Variants in DNAH10 observed in about 807,000 individuals in gnomAD.
DNAH10 encodes dynein axonemal heavy chain 10, also known as axonemal beta dynein heavy chain 10.
In DNAH10, 348 loss-of-function variants were observed where a neutral mutation model predicts 506.6. The observed-to-expected ratio is 0.69, with a 90% CI of 0.63 to 0.75. DNAH10 has a LOEUF of 0.75. DNAH10 is among the 30% of genes least tolerant of loss of function. The pLI, the probability that DNAH10 is intolerant of heterozygous loss-of-function variation, is 0.00. For missense variants in DNAH10, 5,179 were observed against 5,787.1 expected (o/e 0.89, Z 3.41); for synonymous variants, 2,059 against 2,198.6 (o/e 0.94, Z 1.78).
At chr12:123,931,058 C>G (rs1421919548) in intron 73 of DNAH10, among the ~76,000 whole-genome samples, 1 of 151,966 alleles carries the variant, frequency 6.6e-6, no homozygotes, top group Non-Finnish European at 1.5e-5. Context: ...AAACAAAAAA[C>G]AAAAATATTA....
intron 32 of DNAH10, among the ~76,000 whole-genome samples, chr12:123,847,308 T>TATC: frequency 6.7e-6 from 1 of 149,042 alleles, no homozygotes; most frequent in East Asian, 1.9e-4. Flanking sequence ...ATCATCTATT[T>TATC]TATCTATCTA....
In DNAH10 at chr12:123,813,239, A is replaced by T; in HGVS notation, c.3220A>T (p.Ile1074Leu). ...QKGEEEEVVIINFYNDISLNP... is the reference protein window; with the variant it reads ...QKGEEEEVVILNFYNDISLNP... ...GGGGGAGGAAGAGGAAGTTGTTATA[A>T]TAAACTTTTACAATGATATCTCTCT... The change falls in exon 20 of 79, where the codon ATA becomes TTA. Residue 1074 changes from isoleucine (I) to leucine (L), a missense_variant. This residue lies in a region of DNAH10 where 4,844 missense variants were observed against 5,430.5 expected (regional missense o/e 0.89). Coordinates refer to ENST00000673944, the MANE Select transcript of DNAH10 (RefSeq NM_001372106.1). 1 of 1,614,180 alleles carries T rather than the reference A, an allele frequency of 6.2e-7. No homozygotes were observed. The highest frequency in any genetic ancestry group is 8.5e-7 in the Non-Finnish European group (1 of 1,180,024).
chr12:123,851,451 C>T (rs1459886134), intron 35 of DNAH10, among the ~76,000 whole-genome samples: 1 of 151,826 alleles, frequency 6.6e-6, no homozygotes, highest in Non-Finnish European at 1.5e-5. Flanking sequence ...TGCTGTGTCT[C>T]TCTTCTTCCT....
intron 59 of DNAH10, among the ~76,000 whole-genome samples, chr12:123,912,483 GT>G (rs1954265868): frequency 2.2e-5 from 2 of 89,604 alleles, no homozygotes; most frequent in Admixed American, 1.6e-4. Context: ...CTGGGGGGGG[GT>G]CTGTCCTGGG....
At chr12:123,877,676 T>G in intron 47 of DNAH10, 60 bp from the exon 48 acceptor site, 1 of 1,539,666 alleles carries the variant, frequency 6.5e-7, no homozygotes, top group Non-Finnish European at 8.7e-7. Context: ...ACATTTTGTT[T>G]ATTCACTCAT....
intron 19 of DNAH10, 83 bp downstream of exon 19, chr12:123,809,036 G>A (rs1042578180): frequency 4.7e-6 from 7 of 1,503,256 alleles, no homozygotes; most frequent in African/African-American, 2.8e-5. Flanking sequence ...CTATAGGCGT[G>A]AGCCACTGCC....
At chr12:123,794,748 AG>A (rs1958211982) in intron 12 of DNAH10, among the ~76,000 whole-genome samples, 1 of 151,704 alleles carries the variant, frequency 6.6e-6, no homozygotes, top group African/African-American at 2.4e-5. Flanking sequence ...TGGGAGGCAG[AG>A]GTGGGAGAAT....
At position 123,835,471 on chromosome 12, in the gene DNAH10, A is replaced by T; in HGVS notation, c.4845A>T (p.Arg1615Ser). The T allele has an allele frequency of 6.2e-7, 1 of 1,609,206 alleles. No individual in the cohort carries two copies. The highest frequency in any genetic ancestry group is 1.1e-5 in the South Asian group (1 of 89,938). The change falls in exon 28 of 79, where the codon AGA becomes AGT. Residue 1615 changes from arginine (R) to serine (S), a missense_variant. By Grantham distance (110) the Arg-to-Ser change is moderately radical (BLOSUM62 -1). Coordinates refer to ENST00000673944, the MANE Select transcript of DNAH10 (RefSeq NM_001372106.1). ...GTATTTTTATTGGTGGAGATATAAG[A>T]TCACAACTTCCGGAAGAGGCAAAAA... ...LESIFIGGDI[R>S]SQLPEEAKKF...
Position 123,929,001 on chromosome 12 carries a change from G to A in DNAH10, c.12307-274G>A. 5 of 544,246 alleles carry A rather than the reference G, an allele frequency of 9.2e-6. No homozygotes were observed. The South Asian group carries it at 1.3e-4, about 14-fold the overall frequency. 33.7% of individuals were successfully genotyped at this position (544,246 alleles called of 1,614,324 possible). Reference sequence around the variant, plus strand: ...CTGTCTCTCTCTCTCTCTCTGGGGAGGTGGAGGGAAGACTTTACTTTCATT... The same window carrying A: ...CTGTCTCTCTCTCTCTCTCTGGGGAAGTGGAGGGAAGACTTTACTTTCATT... On this transcript the variant is annotated intron_variant, in intron 70 of 78. Transcript: ENST00000673944.
In DNAH10 at chr12:123,930,467, G is replaced by C. The variant is rs1330131770; in HGVS notation, c.12678G>C (p.Glu4226Asp). The C allele has an allele frequency of 6.2e-7, 1 of 1,610,186 alleles. No individual in the cohort carries two copies. The highest frequency in any genetic ancestry group is 2.2e-5 in the East Asian group (1 of 44,716). ...GCATCCTGACCATCTACATGGATGA[G>C]TACCTGGGGGACTTCATTTTTGATA... ...DRRILTIYMDEYLGDFIFDTF... is the reference protein window; with the variant it reads ...DRRILTIYMDDYLGDFIFDTF... The change falls in exon 73 of 79, where the codon GAG becomes GAC. Residue 4226 changes from glutamate (E) to aspartate (D), a missense_variant. Physicochemically the swap from Glu to Asp is conservative, Grantham distance 45 (BLOSUM62 2). This residue lies in a region of DNAH10 where 4,844 missense variants were observed against 5,430.5 expected (regional missense o/e 0.89). Coordinates refer to ENST00000673944, the MANE Select transcript of DNAH10 (RefSeq NM_001372106.1).
Position 123,924,363 on chromosome 12 carries a change from A to G in DNAH10, c.11697A>G (p.Ser3899=). Residue 3899 remains serine, a synonymous_variant, in exon 67 of 79, where the codon TCA becomes TCG. Transcript: ENST00000673944. The part of the protein sequence containing the change: ...DQGWEDIILL[S]EMFSDNFGQL... Reference sequence around the variant, plus strand: ...GATGGGAAGATATCATTCTTTTATCAGAAATGTTTTCAGACAACTTTGGGC... The same window carrying G: ...GATGGGAAGATATCATTCTTTTATCGGAAATGTTTTCAGACAACTTTGGGC... 1.2e-6 allele frequency: 2 copies of G among 1,613,808 alleles called. No individual in the cohort carries two copies. Among genetic ancestry groups the G allele is most frequent in the Non-Finnish European group, 1.7e-6 (2 of 1,179,810 alleles).
intron 16 of DNAH10, 62 bp from the exon 17 acceptor site, chr12:123,803,599 T>C (rs1296012001): frequency 1.4e-6 from 2 of 1,415,012 alleles, no homozygotes; most frequent in Non-Finnish European, 1.9e-6. Flanking sequence ...CAGACGTTGG[T>C]GGGGGGATGT....
intron 47 of DNAH10, 27 bp from the exon 48 acceptor site, chr12:123,877,709 T>TG (rs113178558): frequency 0.48 from 733,488 of 1,530,374 alleles, 162,606 homozygotes; most frequent in African/African-American, 0.52. Context: ...ATTTGTGTGT[T>TG]GGGGGGGGTG....
At chr12:123,904,227 G>C (rs189656745) in intron 57 of DNAH10, among the ~76,000 whole-genome samples, 39 of 152,294 alleles carry the variant, frequency 2.6e-4, no homozygotes, top group Non-Finnish European at 5.3e-4. Context: ...GTTGAGGATG[G>C]TGTCAAGGAG....
intron 77 of DNAH10, chr12:123,934,291 A>C: frequency 1.4e-6 from 1 of 691,630 alleles, no homozygotes; most frequent in Non-Finnish European, 2.7e-6. Context: ...CTCTGGGACC[A>C]TGCATCTTTC....
Position 123,813,745 on chromosome 12 carries a change from C to G in DNAH10, c.3622-9C>G, listed in dbSNP as rs377651191. 3.6e-5 allele frequency: 58 copies of G among 1,613,238 alleles called. No homozygotes were observed. The highest frequency in any genetic ancestry group is 8.4e-5 in the Admixed American group (5 of 59,712). On this transcript the variant is annotated splice_polypyrimidine_tract_variant and intron_variant, in intron 20 of 78. Coordinates refer to ENST00000673944, the MANE Select transcript of DNAH10 (RefSeq NM_001372106.1). ...GTTTGCTTAGTGTTCTTTGTACTTT[C>G]TGTTATAGCACCTGGCCAAAAACCT...
chr12:123,802,422 C>CA (rs891872373), intron 16 of DNAH10, among the ~76,000 whole-genome samples: 10 of 152,200 alleles, frequency 6.6e-5, no homozygotes, highest in African/African-American at 2.2e-4. Flanking sequence ...TCTCCTGCCT[C>CA]AGCCTCCCGA....
At chr12:123,867,868 A>C (rs368014958) in intron 42 of DNAH10, 35 bp from the exon 43 acceptor site, 11 of 1,590,712 alleles carry the variant, frequency 6.9e-6, no homozygotes, top group African/African-American at 1.3e-5. Flanking sequence ...GGGGTGGACT[A>C]TGTGGGCTGA....
At position 123,833,342 on chromosome 12, in the gene DNAH10, A is replaced by G. The variant is rs1960781938; in HGVS notation, c.4774A>G (p.Ile1592Val). The G allele has an allele frequency of 3.1e-6, 5 of 1,608,782 alleles. No homozygotes were observed. The highest frequency in any genetic ancestry group is 4.5e-5 in the East Asian group (2 of 44,830). ...EKTLSLIGEV[I>V]EIWMLVQRKW... ...AACGCTTTCTCTAATAGGGGAAGTC[A>G]TTGAGGTGAGAGAAAAGATGAACAA... The change falls in exon 27 of 79, where the codon ATT becomes GTT. Residue 1592 changes from isoleucine to valine, a missense_variant. Around this residue, in one of 3 missense-constraint regions of DNAH10, gnomAD observed 4,844 missense variants for 5,430.5 expected, o/e 0.89. Coordinates refer to ENST00000673944, the MANE Select transcript of DNAH10 (RefSeq NM_001372106.1).
Sources: allele counts gnomAD v4.1 joint callset (sites outside exome capture counted in the v4.1 genomes callset), GRCh38; gene constraint gnomAD v4.1.1; regional missense constraint gnomAD v4.1.1; transcripts MANE v1.5; gene names NCBI Gene and HGNC (gene_info 2026-07-23, HGNC 2026-07-21).